The following CHN1 variants were observed in gnomAD, a reference collection of about 807,000 sequenced individuals.
The protein encoded by CHN1 is chimerin 1, also known as N-chimaerin.
CHN1 carries 37 observed loss-of-function variants against 59.5 expected under a neutral mutation model. The observed-to-expected ratio is 0.62, with a 90% confidence interval of 0.48 to 0.82. The LOEUF is 0.82. Ranked by LOEUF, CHN1 falls within the 40% of genes least tolerant of loss-of-function variation. The pLI is 0.00. For synonymous variants in CHN1, 206 were observed against 200.4 expected (o/e 1.03, Z -0.24); for missense variants, 469 against 571.0 (o/e 0.82, Z 1.82).
At chr2:174,982,157 A>G (rs918950269) in intron 1 of CHN1, among the ~76,000 whole-genome samples, 2 of 152,190 alleles carry the variant, frequency 1.3e-5, no homozygotes, top group African/African-American at 4.8e-5. Context: ...ATAGTATTCC[A>G]TGGTGTATAT....
chr2:174,833,740 TGTTA>T (rs1442145171), intron 7 of CHN1, among the ~76,000 whole-genome samples: 3 of 152,194 alleles, frequency 2.0e-5, no homozygotes, highest in Admixed American at 6.5e-5. Context: ...TTATCTCCAC[TGTTA>T]GTTTAACTAT....
At chr2:174,895,396 G>A (rs1187815829) in intron 5 of CHN1, among the ~76,000 whole-genome samples, 2 of 151,976 alleles carry the variant, frequency 1.3e-5, no homozygotes, top group Non-Finnish European at 2.9e-5. Context: ...CAAACAAAAA[G>A]TAGAATGGTG....
intron 6 of CHN1, 100 bp downstream of exon 6, chr2:174,877,740 T>A: frequency 9.6e-7 from 1 of 1,036,522 alleles, no homozygotes; most frequent in Non-Finnish European, 1.4e-6. Flanking sequence ...GAATATACTT[T>A]CCAAAGCACT....
At chr2:174,830,161 A>T (rs1432894433) in intron 7 of CHN1, among the ~76,000 whole-genome samples, 5 of 152,104 alleles carry the variant, frequency 3.3e-5, no homozygotes, top group Non-Finnish European at 5.9e-5. Flanking sequence ...TGAACCCAGG[A>T]GGCGGAGCTT....
intron 1 of CHN1, among the ~76,000 whole-genome samples, chr2:174,975,369 T>C (rs56109823): frequency 0.32 from 48,376 of 151,930 alleles, 8,986 homozygotes; most frequent in Admixed American, 0.45. Flanking sequence ...TTCATCTAAA[T>C]TCACTAATTG....
intron 1 of CHN1, among the ~76,000 whole-genome samples, chr2:174,988,190 C>G (rs1331743433): frequency 2.0e-5 from 3 of 151,904 alleles, no homozygotes; most frequent in African/African-American, 7.3e-5. Context: ...AACCCCGTCT[C>G]TACTAAAAAT....
intron 2 of CHN1, among the ~76,000 whole-genome samples, chr2:174,951,562 T>C (rs1031965711): frequency 3.9e-5 from 6 of 152,226 alleles, no homozygotes; most frequent in African/African-American, 1.2e-4. Flanking sequence ...ATTTGAACTT[T>C]TAAAATCTGA....
At chr2:174,846,470 G>T in intron 7 of CHN1, 2 of 1,490,712 alleles carry the variant, frequency 1.3e-6, no homozygotes, top group South Asian at 2.7e-5. Context: ...GCTCAATCCA[G>T]ATGCAACAGC....
chr2:174,870,354 G>A (rs1687370060), intron 6 of CHN1, among the ~76,000 whole-genome samples: 1 of 152,146 alleles, frequency 6.6e-6, no homozygotes, highest in African/African-American at 2.4e-5. Flanking sequence ...GGCCCCCAAA[G>A]AGTTAGGGAC....
intron 1 of CHN1, among the ~76,000 whole-genome samples, chr2:174,998,794 T>TA (rs1027625554): frequency 1.4e-4 from 21 of 151,720 alleles, no homozygotes; most frequent in Admixed American, 6.6e-4. Context: ...GGAAGAAAAG[T>TA]AAAAAAAAAT....
chr2:174,887,264 A>T (rs1308088617), intron 5 of CHN1, among the ~76,000 whole-genome samples: 1 of 152,216 alleles, frequency 6.6e-6, no homozygotes, highest in Middle Eastern at 3.2e-3. Context: ...TAATGAAGAT[A>T]TTAGGCATCA....
chr2:174,812,273 C>T (rs757213459), intron 9 of CHN1, 36 bp downstream of exon 9: 39 of 1,571,708 alleles, frequency 2.5e-5, no homozygotes, highest in African/African-American at 4.0e-5. Flanking sequence ...TGGTAGTGAA[C>T]GGAGACCACT....
chr2:174,896,302 G>C (rs1468535721), intron 5 of CHN1, among the ~76,000 whole-genome samples: 3 of 152,058 alleles, frequency 2.0e-5, no homozygotes, highest in African/African-American at 7.2e-5. Flanking sequence ...AAACCTCTTT[G>C]CTTCACATCT....
chr2:174,832,761 GA>G (rs776619520), intron 7 of CHN1, among the ~76,000 whole-genome samples: 1 of 152,016 alleles, frequency 6.6e-6, no homozygotes, highest in Non-Finnish European at 1.5e-5. Flanking sequence ...TTCATTAGGT[GA>G]ACATTATAGA....
intron 6 of CHN1, among the ~76,000 whole-genome samples, chr2:174,854,065 A>G (rs1686826837): frequency 6.6e-6 from 1 of 152,188 alleles, no homozygotes; most frequent in African/African-American, 2.4e-5. Flanking sequence ...AAGTTGAGTG[A>G]AAAAATAAAT....
intron 6 of CHN1, among the ~76,000 whole-genome samples, chr2:174,873,492 T>C (rs16862897): frequency 1.7e-3 from 256 of 152,352 alleles, no homozygotes; most frequent in African/African-American, 6.0e-3. Context: ...TGAGATTACA[T>C]GGATACAGGT....
At chr2:174,955,101 ATATAGATC>A (rs202199551) in intron 1 of CHN1, among the ~76,000 whole-genome samples, 79 of 149,816 alleles carry the variant, frequency 5.3e-4, no homozygotes, top group African/African-American at 1.4e-3. Context: ...ATATCTATAT[ATATAGATC>A]TATAGATCTA....
chr2:174,934,893 T>C lies in CHN1; in HGVS notation c.114+9995A>G, dbSNP rs1203702451. ...CCCTCTTGACTATTCTCAGAACCAGTGTCTTGTAGGTTCTTTTCACTTATC... is the reference window on the plus strand; with the variant it reads ...CCCTCTTGACTATTCTCAGAACCAGCGTCTTGTAGGTTCTTTTCACTTATC... On this transcript the variant is annotated intron_variant, in intron 3 of 12. Transcript: ENST00000409900. Among the ~76,000 whole-genome samples the C allele has an allele frequency of 2.6e-5, 4 of 152,196 alleles. No homozygotes were observed. In the East Asian group the frequency reaches 7.7e-4, roughly 29 times the overall value.
intron 2 of CHN1, among the ~76,000 whole-genome samples, chr2:174,948,376 C>T (rs939690888): frequency 6.6e-6 from 1 of 152,166 alleles, no homozygotes; most frequent in Non-Finnish European, 1.5e-5. Flanking sequence ...CCTAATCTGG[C>T]TTGCTTGCCT....
Sources: allele counts gnomAD v4.1 joint callset (sites outside exome capture counted in the v4.1 genomes callset), GRCh38; gene constraint gnomAD v4.1.1; transcripts MANE v1.5; gene names NCBI Gene and HGNC (gene_info 2026-07-23, HGNC 2026-07-21).